Variants in TDRD3 observed in about 807,000 individuals in gnomAD.
TDRD3 encodes tudor domain containing 3.
A neutral mutation model predicts 86.7 loss-of-function variants in TDRD3; 45 were observed. The ratio of observed to expected loss-of-function variants is 0.52; its 90% CI spans 0.41 to 0.67. The LOEUF (loss-of-function observed/expected upper bound fraction) is 0.67. Among genes scored for constraint, TDRD3 ranks in the 30% least tolerant of loss-of-function variants. The pLI is 0.00. For missense variants in TDRD3, 814 were observed against 889.0 expected (o/e 0.92, Z 1.07); for synonymous variants, 298 against 301.7 (o/e 0.99, Z 0.13).
chr13:60,397,057 G>C (rs1348836168), upstream of TDRD3: 1 of 286,862 alleles, frequency 3.5e-6, no homozygotes, highest in Non-Finnish European at 6.4e-6. Flanking sequence ...AAAGCCTTCG[G>C]GGAAGAGGCA....
chr13:60,405,237 G>C lies in TDRD3; in HGVS notation c.41+7832G>C, dbSNP rs913187455. ...ACCTGTCCCGGCCTCCCAGAGTCCT[G>C]GGATTACAGATGTGAGCCACAGTGT... On this transcript the variant is annotated intron_variant, in intron 1 of 13. Transcript: ENST00000377881. 2.6e-5 allele frequency among the ~76,000 whole-genome samples: 4 copies of C among 152,136 alleles called. No individual in the cohort carries two copies. In the South Asian group the frequency reaches 8.3e-4, roughly 31 times the overall value.
chr13:60,396,645 AAGC>A (rs1953916810), upstream of TDRD3: 1 of 153,512 alleles, frequency 6.5e-6, no homozygotes, highest in Admixed American at 6.5e-5. Context: ...TGTCCCCTAA[AAGC>A]AGGTTTTCTT....
intron 1 of TDRD3, among the ~76,000 whole-genome samples, chr13:60,402,615 G>GAAAGGA (rs1303522814): frequency 6.6e-6 from 1 of 151,218 alleles, no homozygotes; most frequent in Non-Finnish European, 1.5e-5. Flanking sequence ...AAATAGCTTG[G>GAAAGGA]TATACTCTTT....
chr13:60,472,109 T>C (rs9528145), intron 5 of TDRD3, among the ~76,000 whole-genome samples: 20,811 of 152,228 alleles, frequency 0.14, 1,500 homozygotes, highest in East Asian at 0.2. Context: ...ATGCTTCCTC[T>C]GCGTCAATTG....
intron 4 of TDRD3, chr13:60,460,885 C>T (rs1249348168): frequency 6.4e-6 from 1 of 157,174 alleles, no homozygotes; most frequent in African/African-American, 2.4e-5. Context: ...TGCCGGTAAT[C>T]CCAGCTACTT....
chr13:60,404,405 G>A (rs936841132), intron 1 of TDRD3, among the ~76,000 whole-genome samples: 1 of 149,338 alleles, frequency 6.7e-6, no homozygotes, highest in African/African-American at 2.5e-5. Context: ...CCGCCTCCCG[G>A]GTTCACGCCA....
chr13:60,457,707 A>G (rs1482174028), intron 3 of TDRD3, among the ~76,000 whole-genome samples: 1 of 152,228 alleles, frequency 6.6e-6, no homozygotes, highest in Non-Finnish European at 1.5e-5. Context: ...GTTTAAAATT[A>G]AAGTGTCAGC....
intron 11 of TDRD3, among the ~76,000 whole-genome samples, chr13:60,529,952 A>T (rs995868174): frequency 6.6e-6 from 1 of 151,998 alleles, no homozygotes; most frequent in Non-Finnish European, 1.5e-5. Flanking sequence ...AGAGAAGGGG[A>T]CTTTGCACAT....
intron 7 of TDRD3, among the ~76,000 whole-genome samples, chr13:60,486,451 A>C (rs1432527029): frequency 6.6e-6 from 1 of 152,080 alleles, no homozygotes; most frequent in Non-Finnish European, 1.5e-5. Flanking sequence ...TTATCTTTAC[A>C]TTATATGTCT....
chr13:60,528,792 C>G lies in TDRD3; in HGVS notation c.1567C>G (p.Gln523Glu). The change falls in exon 11 of 14, where the codon CAA becomes GAA. Residue 523 changes from glutamine to glutamate, a missense_variant. Transcript: ENST00000377881. ...AGAGGCAAAAGAAAATCCACTTCCTCAAGGATCTGTAGATTATAATAATCA... is the reference window on the plus strand; with the variant it reads ...AGAGGCAAAAGAAAATCCACTTCCTGAAGGATCTGTAGATTATAATAATCA... ...FAEAKENPLP[Q>E]GSVDYNNQKR... 6.2e-7 allele frequency: 1 copy of G among 1,613,860 alleles called. No homozygotes were observed. Among genetic ancestry groups the G allele is most frequent in the Non-Finnish European group, 8.5e-7 (1 of 1,179,910 alleles).
chr13:60,461,038 ATAGTT>A (rs1403304301), intron 4 of TDRD3: 2 of 151,926 alleles, frequency 1.3e-5, no homozygotes, highest in African/African-American at 4.8e-5. Flanking sequence ...AAATTAAAAA[ATAGTT>A]AAGTATATAG....
At chr13:60,514,314 G>A (rs973094230) in intron 10 of TDRD3, among the ~76,000 whole-genome samples, 2 of 152,158 alleles carry the variant, frequency 1.3e-5, no homozygotes, top group Admixed American at 6.6e-5. Context: ...GCTGTTAAAG[G>A]CATTCAGTTT....
intron 13 of TDRD3, 118 bp from the exon 14 acceptor site, chr13:60,573,498 C>A: frequency 1.8e-6 from 1 of 549,204 alleles, no homozygotes; most frequent in Non-Finnish European, 2.3e-6. Flanking sequence ...TAGTTAAGAT[C>A]TATTTATACA....
intron 1 of TDRD3, among the ~76,000 whole-genome samples, chr13:60,407,461 C>A (rs1954261854): frequency 6.6e-6 from 1 of 151,250 alleles, no homozygotes; most frequent in Non-Finnish European, 1.5e-5. Flanking sequence ...AATGTGATCT[C>A]CTCAGAAATG....
intron 13 of TDRD3, among the ~76,000 whole-genome samples, chr13:60,571,304 G>A (rs904239824): frequency 9.2e-5 from 14 of 152,114 alleles, no homozygotes; most frequent in Admixed American, 5.9e-4. Flanking sequence ...AAAAATAATA[G>A]TGTTCTGCTC....
chr13:60,538,943 C>T (rs1456528580), intron 12 of TDRD3, among the ~76,000 whole-genome samples: 1 of 152,068 alleles, frequency 6.6e-6, no homozygotes, highest in African/African-American at 2.4e-5. Context: ...TTACAGTGTG[C>T]TAATGTCTAA....
chr13:60,401,569 T>G (rs959091243), intron 1 of TDRD3, among the ~76,000 whole-genome samples: 3 of 152,200 alleles, frequency 2.0e-5, no homozygotes, highest in African/African-American at 7.2e-5. Context: ...GAAGACCCTT[T>G]AAGGTAGCAT....
chr13:60,558,778 A>G (rs1421954511), intron 12 of TDRD3, among the ~76,000 whole-genome samples: 1 of 152,080 alleles, frequency 6.6e-6, no homozygotes, highest in Non-Finnish European at 1.5e-5. Context: ...ATACATTAAA[A>G]AAGAAGAAAA....
At chr13:60,525,288 T>A (rs1595068798) in intron 10 of TDRD3, among the ~76,000 whole-genome samples, 1 of 141,200 alleles carries the variant, frequency 7.1e-6, no homozygotes, top group Non-Finnish European at 1.5e-5. Context: ...ATTCTCCCAC[T>A]TCACCCTCCC....
Sources: allele counts gnomAD v4.1 joint callset (sites outside exome capture counted in the v4.1 genomes callset), GRCh38; gene constraint gnomAD v4.1.1; transcripts MANE v1.5; gene names NCBI Gene and HGNC (gene_info 2026-07-23, HGNC 2026-07-21).